HS2ST1: variants seen among roughly 807,000 people sequenced by gnomAD.
HS2ST1 encodes 2-O-sulfotransferase.
HS2ST1 carries 18 observed loss-of-function variants against 42.9 expected under a neutral mutation model. The ratio of observed to expected loss-of-function variants is 0.42; its 90% CI spans 0.29 to 0.62. HS2ST1 has a LOEUF of 0.62. Among genes scored for constraint, HS2ST1 ranks in the 20% least tolerant of loss-of-function variants. HS2ST1 has a pLI of 0.21. For synonymous variants in HS2ST1, 146 were observed against 152.9 expected, an observed-to-expected ratio of 0.95 and a Z score of 0.33; for missense variants, 334 against 433.8, an observed-to-expected ratio of 0.77 and a Z score of 2.04.
chr1:86,983,778 C>T (rs1189012780), intron 1 of HS2ST1, among the ~76,000 whole-genome samples: 2 of 151,418 alleles, frequency 1.3e-5, no homozygotes, highest in South Asian at 2.1e-4. Context: ...CACGGTGGCT[C>T]ACGCCTGTAA....
intron 1 of HS2ST1, among the ~76,000 whole-genome samples, chr1:86,991,954 G>C (rs1648966051): frequency 6.6e-6 from 1 of 152,140 alleles, no homozygotes; most frequent in South Asian, 2.1e-4. Context: ...GACTGGTACT[G>C]GTTTGTGGTC....
chr1:86,934,951 A>AG (rs1294250873), intron 1 of HS2ST1: 1 of 151,332 alleles, frequency 6.6e-6, no homozygotes, highest in African/African-American at 2.4e-5. Context: ...AAAAAAAAAA[A>AG]AGAGTTACTG....
intron 1 of HS2ST1, chr1:87,046,606 T>C (rs1570509811): frequency 6.3e-7 from 1 of 1,578,998 alleles, no homozygotes; most frequent in East Asian, 2.3e-5. Flanking sequence ...TGGACTGGGC[T>C]GAAGTACAAA....
chr1:87,011,882 G>A (rs1649606747), intron 1 of HS2ST1, among the ~76,000 whole-genome samples: 1 of 152,214 alleles, frequency 6.6e-6, no homozygotes. Context: ...GGAGATGGAA[G>A]TAGCATAGCT....
Position 87,108,919 on chromosome 1 carries a change from A to G in HS2ST1, c.*4223A>G, listed in dbSNP as rs1215563153. On this transcript the variant is annotated 3_prime_UTR_variant, in exon 7 of 7. Transcript: ENST00000370550. ...GTATTTTGACTTTTATTTTATAAAT[A>G]CACAGCTCAACAGTGCCTTTTTTTT... 6.6e-6 allele frequency: 1 copy of G among 152,510 alleles called. No individual in the cohort carries two copies. The allele number at this position is 152,510 out of a possible 1,614,324, so 9.4% of individuals were successfully genotyped here. A position where few individuals can be genotyped will look rare whatever the true frequency, so the allele number is the denominator to read the frequency against.
chr1:87,049,935 T>C, intron 1 of HS2ST1, among the ~76,000 whole-genome samples: 1 of 152,060 alleles, frequency 6.6e-6, no homozygotes, highest in East Asian at 1.9e-4. Context: ...CTTATAAAGG[T>C]ACAAAATTGT....
intron 1 of HS2ST1, among the ~76,000 whole-genome samples, chr1:86,916,338 A>C (rs969360451): frequency 1.3e-5 from 2 of 152,160 alleles, no homozygotes; most frequent in Non-Finnish European, 2.9e-5. Flanking sequence ...AAAACAAAAA[A>C]CCCTCAGCAG....
chr1:87,037,640 CT>C (rs1174836542), intron 1 of HS2ST1, among the ~76,000 whole-genome samples: 12 of 149,548 alleles, frequency 8.0e-5, no homozygotes, highest in Non-Finnish European at 1.8e-4. Flanking sequence ...GATCCTCTGT[CT>C]TGTATAAAGT....
At chr1:86,985,205 A>T (rs1032044650) in intron 1 of HS2ST1, among the ~76,000 whole-genome samples, 1 of 149,426 alleles carries the variant, frequency 6.7e-6, no homozygotes, top group Non-Finnish European at 1.5e-5. Context: ...AATACAAAAA[A>T]TTAGCTGGGC....
chr1:86,973,660 A>G (rs1012997685), intron 1 of HS2ST1, among the ~76,000 whole-genome samples: 19 of 152,216 alleles, frequency 1.2e-4, no homozygotes, highest in African/African-American at 4.3e-4. Context: ...TTTGGGATGA[A>G]GGAAATATCT....
At position 86,988,457 on chromosome 1, in the gene HS2ST1, C is replaced by T. The variant is rs145500261; in HGVS notation, c.124+73297C>T. ...CCTTACATGCTGTTAGTGGGAAATA[C>T]CAAAATTTTGACAAACTGTCCAGTG... is the stretch of plus-strand genomic sequence containing the variant. On this transcript the variant is annotated intron_variant, in intron 1 of 6. Transcript: ENST00000370550. Among the ~76,000 whole-genome samples, 699 of 152,278 alleles carry T rather than the reference C, an allele frequency of 4.6e-3. 4 individuals are homozygous for T. Among genetic ancestry groups the T allele is most frequent in the Middle Eastern group, 0.02 (6 of 294 alleles).
intron 1 of HS2ST1, among the ~76,000 whole-genome samples, chr1:86,978,486 T>A (rs1280676028): frequency 6.6e-6 from 1 of 152,216 alleles, no homozygotes. Context: ...AATACCAGTT[T>A]TGAAATCCTT....
chr1:86,945,073 C>T lies in HS2ST1; in HGVS notation c.124+29913C>T, dbSNP rs374391119. Among the ~76,000 whole-genome samples the T allele has an allele frequency of 4.6e-5, 7 of 152,194 alleles. No homozygotes were observed. The East Asian group carries it at 1.2e-3, about 25-fold the overall frequency. ...TAGTATGTTTCCCTTTGATCACCAC[C>T]AGCAAGCTTCGGGGGTCAGACTGAC... On this transcript the variant is annotated intron_variant, in intron 1 of 6. Coordinates refer to ENST00000370550, the MANE Select transcript of HS2ST1 (RefSeq NM_012262.4).
chr1:86,975,764 T>C (rs905605128), intron 1 of HS2ST1, among the ~76,000 whole-genome samples: 2 of 152,200 alleles, frequency 1.3e-5, no homozygotes, highest in Non-Finnish European at 1.5e-5. Context: ...TAAATCTTTA[T>C]ATGTATTTAA....
chr1:87,032,630 C>T (rs1650268511), intron 1 of HS2ST1, among the ~76,000 whole-genome samples: 1 of 152,138 alleles, frequency 6.6e-6, no homozygotes, highest in South Asian at 2.1e-4. Flanking sequence ...AGTTACAGCT[C>T]TTTACTATCA....
chr1:86,950,027 G>A lies in HS2ST1; in HGVS notation c.124+34867G>A, dbSNP rs113069682. Among the ~76,000 whole-genome samples the A allele has an allele frequency of 2.6e-3, 400 of 152,216 alleles. 3 individuals carry two copies. Among genetic ancestry groups the A allele is most frequent in the African/African-American group, 9.2e-3 (381 of 41,538 alleles). On this transcript the variant is annotated intron_variant, in intron 1 of 6. Coordinates refer to ENST00000370550, the MANE Select transcript of HS2ST1 (RefSeq NM_012262.4). ...TATAGAAAATCCATAAATAGAAAAAGCACTATAGAAACATTTGATTAAGAT... is the reference window on the plus strand; with the variant it reads ...TATAGAAAATCCATAAATAGAAAAAACACTATAGAAACATTTGATTAAGAT...
Position 87,000,803 on chromosome 1 carries a change from C to T in HS2ST1, c.125-72131C>T, listed in dbSNP as rs1570475017. On this transcript the variant is annotated intron_variant, in intron 1 of 6. Transcript: ENST00000370550. The stretch of plus-strand genomic sequence containing the variant: ...CAGTGGGAACATACACAATTTTGCA[C>T]TTGGGAAAGTACTACCCTGTTTTCT... 7.2e-5 allele frequency among the ~76,000 whole-genome samples: 11 copies of T among 152,286 alleles called. No homozygotes were observed. The South Asian group carries it at 2.3e-3, about 32-fold the overall frequency.
chr1:87,052,877 G>A (rs897261797), intron 1 of HS2ST1, among the ~76,000 whole-genome samples: 2 of 152,082 alleles, frequency 1.3e-5, no homozygotes, highest in East Asian at 1.9e-4. Context: ...CTAGAACACC[G>A]ATTCTCAAAG....
chr1:87,109,042 T>A lies in HS2ST1; in HGVS notation c.*4346T>A, dbSNP rs1652403070. 6.6e-6 allele frequency: 1 copy of A among 152,512 alleles called. No individual in the cohort carries two copies. Among genetic ancestry groups the A allele is most frequent in the South Asian group, 2.1e-4 (1 of 4,836 alleles). The allele number at this position is 152,512 out of a possible 1,614,324, so 9.4% of individuals were successfully genotyped here. A position where few individuals can be genotyped will look rare whatever the true frequency, so the allele number is the denominator to read the frequency against. On this transcript the variant is annotated 3_prime_UTR_variant, in exon 7 of 7. Transcript: ENST00000370550. ...GTTGATTCATTTATGCAAATTCTGT[T>A]TCCAACTTGAAACCATTTTGTCACA...
Sources: allele counts gnomAD v4.1 joint callset (sites outside exome capture counted in the v4.1 genomes callset), GRCh38; gene constraint gnomAD v4.1.1; transcripts MANE v1.5; gene names NCBI Gene and HGNC (gene_info 2026-07-23, HGNC 2026-07-21).